The following UST variants were observed in gnomAD, a reference collection of about 807,000 sequenced individuals.
UST encodes chondroitin sulfate 2-O-sulfotransferase.
A neutral mutation model predicts 45.6 loss-of-function variants in UST; 21 were observed. The ratio of observed to expected loss-of-function variants is 0.46; its 90% CI spans 0.33 to 0.66. The LOEUF is 0.66. Ranked by LOEUF, UST falls within the 30% of genes least tolerant of loss-of-function variation. The pLI is 0.02. For missense variants in UST, 463 were observed against 512.4 expected (o/e 0.90, Z 0.93); for synonymous variants, 215 against 200.6 (o/e 1.07, Z -0.61).
chr6:148,896,420 C>T (rs1158007720), intron 2 of UST, among the ~76,000 whole-genome samples: 2 of 152,170 alleles, frequency 1.3e-5, no homozygotes, highest in Non-Finnish European at 2.9e-5. Flanking sequence ...TCCATGTGGC[C>T]ACAGCTCCTG....
At chr6:148,775,682 C>T (rs55976810) in intron 1 of UST, among the ~76,000 whole-genome samples, 62,565 of 151,368 alleles carry the variant, frequency 0.41, 13,185 homozygotes, top group Non-Finnish European at 0.45. Flanking sequence ...GGCTGGAGTG[C>T]AGTGGCACGA....
At chr6:148,783,500 C>A (rs1776681550) in intron 1 of UST, among the ~76,000 whole-genome samples, 1 of 152,182 alleles carries the variant, frequency 6.6e-6, no homozygotes, top group Admixed American at 6.5e-5. Flanking sequence ...GTACACCTTT[C>A]CCCTGAAGAA....
chr6:148,837,969 A>G (rs1777819881), intron 1 of UST, among the ~76,000 whole-genome samples: 1 of 152,236 alleles, frequency 6.6e-6, no homozygotes, highest in Non-Finnish European at 1.5e-5. Context: ...GGCATGAGCC[A>G]CCGTGCCTGG....
chr6:149,073,365 T>A (rs1482872967), intron 7 of UST, among the ~76,000 whole-genome samples: 3 of 152,238 alleles, frequency 2.0e-5, no homozygotes, highest in African/African-American at 7.2e-5. Flanking sequence ...ATTGTTGAAA[T>A]AGTAAAATGG....
At chr6:148,987,497 A>AT (rs371561044) in intron 5 of UST, among the ~76,000 whole-genome samples, 4 of 152,260 alleles carry the variant, frequency 2.6e-5, no homozygotes, top group African/African-American at 9.6e-5. Flanking sequence ...CAAAAAAAAA[A>AT]TTTCTACTGC....
intron 1 of UST, among the ~76,000 whole-genome samples, chr6:148,853,862 A>G (rs951998669): frequency 6.6e-6 from 1 of 152,182 alleles, no homozygotes; most frequent in African/African-American, 2.4e-5. Flanking sequence ...CTGTACTCCA[A>G]GTAACACTTT....
At chr6:148,933,750 C>G (rs1779967361) in intron 2 of UST, among the ~76,000 whole-genome samples, 1 of 152,128 alleles carries the variant, frequency 6.6e-6, no homozygotes, top group Non-Finnish European at 1.5e-5. Flanking sequence ...CTGCCGAGTT[C>G]TGGGAGGCTT....
chr6:148,856,526 A>G (rs891455075), intron 1 of UST, among the ~76,000 whole-genome samples: 1 of 152,212 alleles, frequency 6.6e-6, no homozygotes, highest in African/African-American at 2.4e-5. Flanking sequence ...CCAACCTAGC[A>G]TGTCCTGCAT....
At chr6:148,990,441 G>C in intron 5 of UST, 2 of 984,448 alleles carry the variant, frequency 2.0e-6, no homozygotes, top group Non-Finnish European at 2.4e-6. Context: ...TAACTAGATG[G>C]TATTTTTCCA....
At chr6:149,061,567 A>G (rs913455640) in intron 7 of UST, among the ~76,000 whole-genome samples, 18 of 152,326 alleles carry the variant, frequency 1.2e-4, no homozygotes, top group Middle Eastern at 3.4e-3. Flanking sequence ...TTGGCAGGGC[A>G]TTGGGAGGAG....
chr6:149,037,096 G>C (rs1263415631), intron 7 of UST, among the ~76,000 whole-genome samples: 7 of 152,096 alleles, frequency 4.6e-5, no homozygotes, highest in Non-Finnish European at 1.0e-4. Flanking sequence ...GGCATGGAGT[G>C]GGGGAGTGAA....
intron 1 of UST, among the ~76,000 whole-genome samples, chr6:148,787,130 A>G (rs1283657088): frequency 6.6e-6 from 1 of 152,208 alleles, no homozygotes; most frequent in African/African-American, 2.4e-5. Flanking sequence ...ATAGATTGCA[A>G]AAATTTTCTC....
At chr6:148,844,506 G>A (rs1358904296) in intron 1 of UST, among the ~76,000 whole-genome samples, 2 of 152,168 alleles carry the variant, frequency 1.3e-5, no homozygotes, top group African/African-American at 4.8e-5. Flanking sequence ...CGTTGATCCA[G>A]TCAAGATGTA....
At chr6:149,002,460 G>C (rs886508075) in intron 5 of UST, among the ~76,000 whole-genome samples, 1 of 152,142 alleles carries the variant, frequency 6.6e-6, no homozygotes, top group Non-Finnish European at 1.5e-5. Context: ...AATAAATTTA[G>C]TGTAGGAATA....
chr6:148,865,387 A>T (rs1032043350), intron 1 of UST, among the ~76,000 whole-genome samples: 1 of 152,236 alleles, frequency 6.6e-6, no homozygotes, highest in Admixed American at 6.5e-5. Flanking sequence ...CCCCACAGAA[A>T]TGAATCAAGT....
intron 7 of UST, among the ~76,000 whole-genome samples, chr6:149,026,391 AC>A (rs1776052031): frequency 6.6e-6 from 1 of 152,216 alleles, no homozygotes; most frequent in African/African-American, 2.4e-5. Context: ...ATAGTCATCC[AC>A]AAAAATGTGT....
chr6:148,893,760 A>T (rs2114852416), intron 2 of UST, among the ~76,000 whole-genome samples: 1 of 152,302 alleles, frequency 6.6e-6, no homozygotes, highest in South Asian at 2.1e-4. Flanking sequence ...TATGATGAGG[A>T]TGCACACTCA....
intron 2 of UST, among the ~76,000 whole-genome samples, chr6:148,894,090 G>T (rs1354586644): frequency 6.6e-6 from 1 of 152,164 alleles, no homozygotes; most frequent in Non-Finnish European, 1.5e-5. Flanking sequence ...AGAGTGGTAG[G>T]TGGGAAATTG....
At chr6:148,759,556 AT>A (rs1379572189) in intron 1 of UST, among the ~76,000 whole-genome samples, 3 of 147,374 alleles carry the variant, frequency 2.0e-5, no homozygotes, top group African/African-American at 7.6e-5. Flanking sequence ...AAATAAAAAA[AT>A]AAAAGAATGC....
Sources: gnomAD v4.1 joint callset for allele counts (sites outside exome capture counted in the v4.1 genomes callset) on GRCh38, gnomAD v4.1.1 for gene constraint, MANE v1.5 for transcripts, NCBI Gene and HGNC (gene_info 2026-07-23, HGNC 2026-07-21) for gene names.